Variants in CLASP2 observed in about 807,000 individuals in gnomAD.
CLASP2 encodes cytoplasmic linker associated protein 2, also known as CLIP-associating protein 2.
Under a neutral mutation model 194.4 loss-of-function variants are expected in CLASP2, and 47 were observed. The observed-to-expected ratio is 0.24, with a 90% CI of 0.19 to 0.31. The LOEUF (loss-of-function observed/expected upper bound fraction) is 0.31. Among genes scored for constraint, CLASP2 ranks in the 10% least tolerant of loss-of-function variants. CLASP2 has a pLI of 1.00. For synonymous variants in CLASP2, 619 were observed against 633.5 expected (o/e 0.98, Z 0.34); for missense variants, 1,445 against 1,823.6 (o/e 0.79, Z 3.78).
chr3:33,639,310 C>T (rs1041527120), intron 8 of CLASP2, among the ~76,000 whole-genome samples: 4 of 152,108 alleles, frequency 2.6e-5, no homozygotes, highest in African/African-American at 9.7e-5. Flanking sequence ...CACCCACCTC[C>T]ATCTCCCCAA....
chr3:33,540,236 T>TC (rs2154141973), intron 32 of CLASP2, among the ~76,000 whole-genome samples: 1 of 149,008 alleles, frequency 6.7e-6, no homozygotes, highest in East Asian at 2.0e-4. Flanking sequence ...GGCCAAATTT[T>TC]TTTTTTTTTT....
intron 9 of CLASP2, 68 bp from the exon 10 acceptor site, chr3:33,627,148 T>G: frequency 1.1e-6 from 1 of 878,242 alleles, no homozygotes; most frequent in Non-Finnish European, 1.8e-6. Flanking sequence ...TATGCCCTGA[T>G]GTTTAAAATA....
intron 12 of CLASP2, among the ~76,000 whole-genome samples, chr3:33,619,179 TATA>T (rs780777318): frequency 1.4e-4 from 21 of 152,118 alleles, no homozygotes; most frequent in Non-Finnish European, 2.9e-4. Context: ...ACAGTAAAAA[TATA>T]ATATTATAAT....
At chr3:33,513,544 C>G (rs979846790) in intron 36 of CLASP2, among the ~76,000 whole-genome samples, 2 of 151,978 alleles carry the variant, frequency 1.3e-5, no homozygotes, top group Non-Finnish European at 2.9e-5. Context: ...CAAAAAAACC[C>G]CAAAACCCCT....
chr3:33,696,022 A>G (rs2091861258), intron 2 of CLASP2, among the ~76,000 whole-genome samples: 1 of 152,174 alleles, frequency 6.6e-6, no homozygotes, highest in South Asian at 2.1e-4. Flanking sequence ...AGTGCTATTC[A>G]AAGTATGATC....
At chr3:33,659,153 C>T in intron 7 of CLASP2, 2 of 1,394,844 alleles carry the variant, frequency 1.4e-6, no homozygotes, top group Non-Finnish European at 1.9e-6. Flanking sequence ...CCAACAGCTG[C>T]TACTCCACTT....
intron 23 of CLASP2, among the ~76,000 whole-genome samples, chr3:33,581,129 G>A (rs1295184054): frequency 5.3e-5 from 8 of 151,662 alleles, no homozygotes; most frequent in African/African-American, 1.5e-4. Context: ...GAAGGATCAC[G>A]CAGAAATTCT....
intron 2 of CLASP2, among the ~76,000 whole-genome samples, chr3:33,694,984 AC>A (rs1213592379): frequency 6.6e-6 from 1 of 151,906 alleles, no homozygotes; most frequent in Admixed American, 6.6e-5. Flanking sequence ...AAAGAGACAG[AC>A]AGAGACAGTG....
At chr3:33,713,337 T>C (rs946592912) in intron 1 of CLASP2, among the ~76,000 whole-genome samples, 1 of 152,162 alleles carries the variant, frequency 6.6e-6, no homozygotes, top group Non-Finnish European at 1.5e-5. Context: ...TGAGAATCAC[T>C]GCCCTAGTAA....
chr3:33,665,818 T>C (rs1039205465), intron 6 of CLASP2, among the ~76,000 whole-genome samples: 5 of 152,160 alleles, frequency 3.3e-5, no homozygotes, highest in Non-Finnish European at 7.3e-5. Flanking sequence ...ATGATTATTA[T>C]ACATATAATT....
intron 34 of CLASP2, among the ~76,000 whole-genome samples, chr3:33,532,462 G>A (rs1312331477): frequency 6.6e-6 from 1 of 152,096 alleles, no homozygotes; most frequent in East Asian, 1.9e-4. Flanking sequence ...TGATGGATGT[G>A]CAACAGTATG....
rs371576065 is a variant in CLASP2 at position 33,603,120 on chromosome 3, C to T, written c.1756G>A (p.Ala586Thr). Residue 586 changes from alanine (A) to threonine (T), a missense_variant, in exon 18 of 39, where the codon GCA (alanine) becomes ACA (threonine). This residue lies in a region of CLASP2 where 174 missense variants were observed against 179.0 expected (regional missense o/e 0.97). Transcript: ENST00000682230. ...NPSTVAGRVS[A>T]GSSKASSLPG... is the part of the protein sequence containing the mutation. ...AGGGAACTGGCTTTGCTGCTGCCTGCTGATACTACGAAATACAAAGCAAAG... is the reference window on the plus strand; with the variant it reads ...AGGGAACTGGCTTTGCTGCTGCCTGTTGATACTACGAAATACAAAGCAAAG... 3.2e-6 allele frequency: 5 copies of T among 1,570,672 alleles called. No homozygotes were observed. The highest frequency in any genetic ancestry group is 1.9e-5 in the Admixed American group (1 of 53,678).
chr3:33,545,042 A>G (rs2058940703), intron 30 of CLASP2: 1 of 406,614 alleles, frequency 2.5e-6, no homozygotes, highest in Non-Finnish European at 4.3e-6. Flanking sequence ...TTTTAAGGTA[A>G]GAAGGGAATA....
At chr3:33,712,551 A>G (rs1314141235) in intron 1 of CLASP2, among the ~76,000 whole-genome samples, 1 of 152,156 alleles carries the variant, frequency 6.6e-6, no homozygotes, top group Non-Finnish European at 1.5e-5. Context: ...GATATGATTA[A>G]TGGGTAAGCT....
At chr3:33,617,730 T>C (rs1299904138) in intron 12 of CLASP2, among the ~76,000 whole-genome samples, 1 of 151,530 alleles carries the variant, frequency 6.6e-6, no homozygotes, top group Non-Finnish European at 1.5e-5. Flanking sequence ...GAGTATAAAC[T>C]GACAATCCAT....
At chr3:33,560,602 T>C (rs1177921723) in intron 28 of CLASP2, among the ~76,000 whole-genome samples, 3 of 152,056 alleles carry the variant, frequency 2.0e-5, no homozygotes, top group Non-Finnish European at 4.4e-5. Context: ...ATTAATACAA[T>C]TTTTATAAAA....
In CLASP2 at chr3:33,584,513, C is replaced by A. The variant is rs538556687; in HGVS notation, c.2239+237G>T. ...ACTCCTGACCTCAAGTGATCCACCCCCCTCAGCCTCCCAAAGTGCTGGGAT... is the reference window on the plus strand; with the variant it reads ...ACTCCTGACCTCAAGTGATCCACCCACCTCAGCCTCCCAAAGTGCTGGGAT... On this transcript the variant is annotated intron_variant, in intron 22 of 38. Transcript: ENST00000682230. Among the ~76,000 whole-genome samples, 214 of 151,444 alleles carry A rather than the reference C, an allele frequency of 1.4e-3. 1 individual carries two copies. The highest frequency in any genetic ancestry group is 6.8e-3 in the Middle Eastern group (2 of 294).
intron 13 of CLASP2, 74 bp downstream of exon 13, chr3:33,611,927 G>T: frequency 9.8e-7 from 1 of 1,025,352 alleles, no homozygotes; most frequent in Non-Finnish European, 1.5e-6. Context: ...ACCAATTCTT[G>T]CAGCAGACAA....
At position 33,644,773 on chromosome 3, in the gene CLASP2, A is replaced by AAG; in HGVS notation, c.845_846insCT (p.Gly283LeufsTer23). ...TTACATTACCTCCAACCTTAGGGCC[A>AAG]CCTGCTGAACCAGGCTTCCTTGCAC... On this transcript the variant is annotated frameshift_variant, in exon 8 of 39. Coordinates refer to ENST00000682230, the MANE Select transcript of CLASP2 (RefSeq NM_001365631.1). LOFTEE classifies it high-confidence loss of function. 1 of 1,613,318 alleles carries AAG rather than the reference A, an allele frequency of 6.2e-7. No individual in the cohort carries two copies. Among genetic ancestry groups the AAG allele is most frequent in the Non-Finnish European group, 8.5e-7 (1 of 1,179,628 alleles).
Sources: allele counts gnomAD v4.1 joint callset (sites outside exome capture counted in the v4.1 genomes callset), GRCh38; gene constraint gnomAD v4.1.1; regional missense constraint gnomAD v4.1.1; transcripts MANE v1.5; gene names NCBI Gene and HGNC (gene_info 2026-07-23, HGNC 2026-07-21).